Variants in TFB1M observed in about 807,000 individuals in gnomAD.
TFB1M encodes the protein transcription factor B1, mitochondrial, also known as dimethyladenosine transferase 1, mitochondrial.
TFB1M carries 27 observed loss-of-function variants against 31.1 expected under a neutral mutation model. The ratio of observed to expected loss-of-function variants is 0.87; its 90% CI spans 0.64 to 1.20. The LOEUF (loss-of-function observed/expected upper bound fraction) is 1.20, where lower values mean the gene tolerates loss of function less well. Among genes scored for constraint, TFB1M ranks in the 50% most tolerant of loss-of-function variants. The pLI is 0.00. For synonymous variants in TFB1M, 166 were observed against 151.8 expected (o/e 1.09, Z -0.69); for missense variants, 394 against 418.7 (o/e 0.94, Z 0.51).
chr6:155,266,133 C>G (rs1004004985), intron 5 of TFB1M, among the ~76,000 whole-genome samples: 1 of 152,136 alleles, frequency 6.6e-6, no homozygotes, highest in African/African-American at 2.4e-5. Context: ...CACCCAGGAT[C>G]AATACTTTGT....
Position 155,258,051 on chromosome 6 carries a change from T to C in TFB1M, c.826A>G (p.Ser276Gly), listed in dbSNP as rs141679805. 1.2e-6 allele frequency: 2 copies of C among 1,614,236 alleles called. No individual in the cohort carries two copies. Among genetic ancestry groups the C allele is most frequent in the Non-Finnish European group, 1.7e-6 (2 of 1,180,040 alleles). The change falls in exon 7 of 7, where the codon AGC becomes GGC. Residue 276 changes from serine to glycine, a missense_variant. Transcript: ENST00000367166. ...MLFPEAQRLE[S>G]TGRLLELADI... ...GCCAACTCTAACAGCCTGCCCGTGC[T>C]TTCCAAGCGCTGCGCTTCAGGGAAT...
At chr6:155,259,538 T>C (rs1335324356) in intron 6 of TFB1M, among the ~76,000 whole-genome samples, 1 of 152,252 alleles carries the variant, frequency 6.6e-6, no homozygotes. Flanking sequence ...AGAATTACAA[T>C]GAAGCCATGT....
chr6:155,276,904 C>G (rs1327666236), intron 5 of TFB1M, among the ~76,000 whole-genome samples: 1 of 152,222 alleles, frequency 6.6e-6, no homozygotes, highest in Non-Finnish European at 1.5e-5. Flanking sequence ...GTCCCCACCT[C>G]CTGTGACCAG....
chr6:155,254,012 AG>A, downstream of TFB1M: 1 of 1,614,190 alleles, frequency 6.2e-7, no homozygotes, highest in East Asian at 2.2e-5. Context: ...ATCCATACGA[AG>A]TCAGAAATAG....
At position 155,258,051 on chromosome 6, in the gene TFB1M, T is replaced by A. The variant is rs141679805; in HGVS notation, c.826A>T (p.Ser276Cys). The A allele has an allele frequency of 7.4e-6, 12 of 1,614,118 alleles. No individual in the cohort carries two copies. The African/African-American group carries it at 1.3e-4, about 18-fold the overall frequency. ...GCCAACTCTAACAGCCTGCCCGTGC[T>A]TTCCAAGCGCTGCGCTTCAGGGAAT... ...MLFPEAQRLE[S>C]TGRLLELADI... The change falls in exon 7 of 7, where the codon AGC becomes TGC. Residue 276 changes from serine to cysteine, a missense_variant. By Grantham distance (112) the Ser-to-Cys change is moderately radical. This residue lies in a region of TFB1M where 115 missense variants were observed against 144.1 expected (regional missense o/e 0.80). Coordinates refer to ENST00000367166, the MANE Select transcript of TFB1M (RefSeq NM_016020.4).
intron 5 of TFB1M, among the ~76,000 whole-genome samples, chr6:155,262,255 GAGTGCAGGCAGC>G (rs1483906330): frequency 6.6e-6 from 1 of 152,148 alleles, no homozygotes; most frequent in Non-Finnish European, 1.5e-5. Context: ...ATGAATGGCA[GAGTGCAGGCAGC>G]AGCCCAAGAC....
chr6:155,291,347 TTC>T (rs1270834331), intron 4 of TFB1M, among the ~76,000 whole-genome samples: 3 of 152,172 alleles, frequency 2.0e-5, no homozygotes, highest in Non-Finnish European at 4.4e-5. Context: ...CAAGAATGGT[TTC>T]TGTCAGAACC....
At chr6:155,254,275 G>A (rs1184283133), downstream of TFB1M, 17 of 1,104,380 alleles carry the variant, frequency 1.5e-5, no homozygotes, top group East Asian at 7.5e-5. Flanking sequence ...CCTTCTGTAC[G>A]GGAGGCCACA....
chr6:155,291,767 G>A (rs535948432), intron 4 of TFB1M, among the ~76,000 whole-genome samples: 1 of 152,298 alleles, frequency 6.6e-6, no homozygotes, highest in African/African-American at 2.4e-5. Context: ...ATTGCCAAAT[G>A]CCCCTGAGGA....
At chr6:155,245,746 C>A in the TFB1M span, 2 of 1,070,866 alleles carry the variant, frequency 1.9e-6, no homozygotes, top group Non-Finnish European at 2.6e-6. Context: ...GTTGCTTATG[C>A]CTTTTATAGT....
downstream of TFB1M, among the ~76,000 whole-genome samples, chr6:155,252,210 C>CG (rs1361346041): frequency 2.0e-5 from 3 of 152,114 alleles, no homozygotes; most frequent in Non-Finnish European, 4.4e-5. Flanking sequence ...CAGCTGGGCA[C>CG]GGTGGCTCAT....
At chr6:155,296,054 C>T (rs892688487) in intron 4 of TFB1M, among the ~76,000 whole-genome samples, 2 of 152,094 alleles carry the variant, frequency 1.3e-5, no homozygotes, top group South Asian at 2.1e-4. Context: ...AGAGTCTGCA[C>T]ATCCGTCCTT....
intron 6 of TFB1M, among the ~76,000 whole-genome samples, chr6:155,259,731 G>T (rs1312121339): frequency 6.6e-6 from 1 of 152,212 alleles, no homozygotes; most frequent in African/African-American, 2.4e-5. Context: ...CAACAAGGCT[G>T]TGGTCCTTCA....
chr6:155,292,251 C>T (rs1240003791), intron 4 of TFB1M, among the ~76,000 whole-genome samples: 13 of 152,130 alleles, frequency 8.5e-5, no homozygotes, highest in Non-Finnish European at 1.5e-4. Flanking sequence ...ACATGGAAAA[C>T]GCACACACGC....
chr6:155,269,195 T>C (rs1784808531), intron 5 of TFB1M, among the ~76,000 whole-genome samples: 1 of 151,902 alleles, frequency 6.6e-6, no homozygotes, highest in African/African-American at 2.4e-5. Context: ...GGTGGGGCAA[T>C]GCTATGTAGT....
At chr6:155,247,738 T>C in the TFB1M span, among the ~76,000 whole-genome samples, 1 of 152,294 alleles carries the variant, frequency 6.6e-6, no homozygotes, top group South Asian at 2.1e-4. Context: ...CATTCCTGCA[T>C]TTTGAGTCAG....
chr6:155,312,012 A>T (rs1286776913), intron 1 of TFB1M, among the ~76,000 whole-genome samples: 1 of 152,202 alleles, frequency 6.6e-6, no homozygotes, highest in Non-Finnish European at 1.5e-5. Context: ...GCAGCCCTTA[A>T]GACATCATAA....
chr6:155,263,834 C>T (rs939066562), intron 5 of TFB1M, among the ~76,000 whole-genome samples: 5 of 151,558 alleles, frequency 3.3e-5, no homozygotes, highest in African/African-American at 4.9e-5. Flanking sequence ...AACACTCTCA[C>T]GGTGTTCAAG....
In TFB1M at chr6:155,265,746, A is replaced by C. The variant is rs181371523; in HGVS notation, c.667-5346T>G. 1.8e-3 allele frequency among the ~76,000 whole-genome samples: 265 copies of C among 145,844 alleles called. 2 individuals are homozygous for C. The highest frequency in any genetic ancestry group is 6.5e-3 in the African/African-American group (259 of 40,002). ...ATAATATAAATATATATTATATATA[A>C]TATATAATATATATTTAATATATAA... On this transcript the variant is annotated intron_variant, in intron 5 of 6. Coordinates refer to ENST00000367166, the MANE Select transcript of TFB1M (RefSeq NM_016020.4).
Sources: gnomAD v4.1 joint callset for allele counts (sites outside exome capture counted in the v4.1 genomes callset) on GRCh38, gnomAD v4.1.1 for gene constraint, gnomAD v4.1.1 regional missense constraint, MANE v1.5 for transcripts, NCBI Gene and HGNC (gene_info 2026-07-23, HGNC 2026-07-21) for gene names.